Variants in NOL4 observed in about 807,000 individuals in gnomAD.
NOL4 encodes the protein cancer/testis antigen 125.
NOL4 carries 17 observed loss-of-function variants against 75.9 expected under a neutral mutation model. That is an observed-to-expected ratio of 0.22 (90% CI 0.15 to 0.34). NOL4 has a LOEUF of 0.34. Ranked by LOEUF, NOL4 falls within the 10% of genes least tolerant of loss-of-function variation. The pLI is 1.00. For missense variants in NOL4, 614 were observed against 793.5 expected, an observed-to-expected ratio of 0.77 and a Z score of 2.72; for synonymous variants, 292 against 289.9, an observed-to-expected ratio of 1.01 and a Z score of -0.07.
At chr18:34,124,383 G>A (rs772647349) in intron 2 of NOL4, among the ~76,000 whole-genome samples, 30 of 152,018 alleles carry the variant, frequency 2.0e-4, no homozygotes, top group Non-Finnish European at 3.2e-4. Flanking sequence ...TTTTTTCTAA[G>A]AAATGTATGT....
chr18:33,874,070 G>T (rs974401433), intron 10 of NOL4, among the ~76,000 whole-genome samples: 9 of 151,954 alleles, frequency 5.9e-5, no homozygotes, highest in African/African-American at 2.2e-4. Flanking sequence ...TCATGGTAGA[G>T]AACTGGATAC....
chr18:34,048,429 T>C lies in NOL4; in HGVS notation c.773-28828A>G, dbSNP rs1314037512. The C allele has an allele frequency of 5.1e-6, 5 of 984,752 alleles. No individual in the cohort carries two copies. In the African/African-American group the frequency reaches 8.7e-5, roughly 17 times the overall value. The allele number at this position is 984,752 out of a possible 1,614,324, so 61.0% of individuals were successfully genotyped here. A position where few individuals can be genotyped will look rare whatever the true frequency, so the allele number is the denominator to read the frequency against. On this transcript the variant is annotated intron_variant, in intron 5 of 10. Coordinates refer to ENST00000261592, the MANE Select transcript of NOL4 (RefSeq NM_003787.5). ...CATCAATATTCTACTCTGGAGGAGC[T>C]GACACTTACTGTGAATTCTGCTCTT...
At chr18:34,006,725 T>C (rs1436684127) in intron 6 of NOL4, among the ~76,000 whole-genome samples, 1 of 152,036 alleles carries the variant, frequency 6.6e-6, no homozygotes, top group Non-Finnish European at 1.5e-5. Context: ...CCTATCCTGA[T>C]AGAATTCATT....
intron 1 of NOL4, among the ~76,000 whole-genome samples, chr18:34,144,512 A>G (rs1187820869): frequency 2.0e-5 from 3 of 152,164 alleles, no homozygotes; most frequent in Non-Finnish European, 4.4e-5. Context: ...ATTAAAGCTA[A>G]TTTGATAGAA....
At chr18:33,925,674 A>G (rs2145335514) in intron 9 of NOL4, among the ~76,000 whole-genome samples, 1 of 152,260 alleles carries the variant, frequency 6.6e-6, no homozygotes, top group Non-Finnish European at 1.5e-5. Flanking sequence ...TCTGATTTTC[A>G]TTTTTCAGAA....
chr18:34,177,045 A>G (rs769442742), intron 1 of NOL4, among the ~76,000 whole-genome samples: 15 of 152,050 alleles, frequency 9.9e-5, no homozygotes, highest in Non-Finnish European at 2.1e-4. Flanking sequence ...GAAACAATCC[A>G]AATGTGCAGC....
At chr18:34,101,089 C>T (rs2079022937) in intron 4 of NOL4, among the ~76,000 whole-genome samples, 1 of 152,172 alleles carries the variant, frequency 6.6e-6, no homozygotes, top group African/African-American at 2.4e-5. Context: ...CCTCTTTTCA[C>T]TACCTAAACC....
chr18:34,008,371 GTCTA>G (rs10656153), intron 6 of NOL4, among the ~76,000 whole-genome samples: 6,768 of 147,642 alleles, frequency 0.046, 166 homozygotes, highest in Middle Eastern at 0.11. Flanking sequence ...CTATCTGTCT[GTCTA>G]TCTATCTATC....
chr18:34,063,936 C>T (rs1288687369), intron 5 of NOL4, among the ~76,000 whole-genome samples: 1 of 151,914 alleles, frequency 6.6e-6, no homozygotes, highest in African/African-American at 2.4e-5. Context: ...TATGATTACA[C>T]CACTCTAGAG....
intron 4 of NOL4, among the ~76,000 whole-genome samples, chr18:34,097,725 T>C (rs1431872135): frequency 6.6e-6 from 1 of 152,198 alleles, no homozygotes; most frequent in African/African-American, 2.4e-5. Flanking sequence ...CAATCCTTTG[T>C]TGTGAAATCT....
chr18:33,925,379 A>T (rs1040712689), intron 9 of NOL4, among the ~76,000 whole-genome samples: 2 of 152,100 alleles, frequency 1.3e-5, no homozygotes, highest in Admixed American at 6.6e-5. Flanking sequence ...CTTGTATTTT[A>T]AAAAAACTAG....
chr18:34,074,324 A>G (rs890724229), intron 5 of NOL4, among the ~76,000 whole-genome samples: 30 of 151,750 alleles, frequency 2.0e-4, no homozygotes, highest in Non-Finnish European at 3.8e-4. Context: ...TTTTTGAAAA[A>G]TACAAAAAGT....
chr18:34,116,193 CACA>C (rs747095808), intron 2 of NOL4, among the ~76,000 whole-genome samples: 6 of 152,068 alleles, frequency 3.9e-5, no homozygotes, highest in Non-Finnish European at 5.9e-5. Context: ...GCAATAACAG[CACA>C]ACATTAGTGA....
intron 6 of NOL4, among the ~76,000 whole-genome samples, chr18:34,005,966 C>G (rs1050192243): frequency 6.6e-6 from 1 of 152,094 alleles, no homozygotes; most frequent in African/African-American, 2.4e-5. Flanking sequence ...GCTCATACAA[C>G]ATGCCTTCTT....
intron 7 of NOL4, among the ~76,000 whole-genome samples, chr18:33,957,766 C>A (rs1480783847): frequency 6.6e-6 from 1 of 152,000 alleles, no homozygotes. Context: ...AATAGACTAT[C>A]GTGTAGAAAA....
chr18:33,898,785 C>G (rs1003212499), intron 9 of NOL4, among the ~76,000 whole-genome samples: 1 of 152,082 alleles, frequency 6.6e-6, no homozygotes, highest in Non-Finnish European at 1.5e-5. Flanking sequence ...ACTTTTGAGA[C>G]TTCTTTTTTT....
intron 1 of NOL4, among the ~76,000 whole-genome samples, chr18:34,154,356 C>A (rs1049127142): frequency 3.3e-5 from 5 of 151,918 alleles, no homozygotes; most frequent in African/African-American, 1.2e-4. Flanking sequence ...AGAAGAGTAG[C>A]AGCACCCCTA....
intron 5 of NOL4, among the ~76,000 whole-genome samples, chr18:34,073,826 A>G (rs1315870158): frequency 2.0e-5 from 3 of 152,096 alleles, no homozygotes; most frequent in Non-Finnish European, 2.9e-5. Context: ...AAAAAACAAT[A>G]GAAAAACTTT....
At chr18:33,886,708 T>G (rs1013290029) in intron 9 of NOL4, among the ~76,000 whole-genome samples, 3 of 148,748 alleles carry the variant, frequency 2.0e-5, no homozygotes, top group African/African-American at 7.4e-5. Flanking sequence ...TTCTCCATGA[T>G]ATGCTCATTG....
Sources: gnomAD v4.1 joint callset for allele counts (sites outside exome capture counted in the v4.1 genomes callset) on GRCh38, gnomAD v4.1.1 for gene constraint, MANE v1.5 for transcripts, NCBI Gene and HGNC (gene_info 2026-07-23, HGNC 2026-07-21) for gene names.